Variants in GABRG3 observed in about 807,000 individuals in gnomAD.
GABRG3 encodes the protein gamma-aminobutyric acid receptor subunit gamma-3.
A neutral mutation model predicts 48.8 loss-of-function variants in GABRG3; 25 were observed. The observed-to-expected ratio is 0.51, with a 90% CI of 0.37 to 0.72. GABRG3 has a LOEUF of 0.72. GABRG3 is among the 30% of genes least tolerant of loss of function. GABRG3 has a pLI of 0.00. For synonymous variants in GABRG3, 227 were observed against 217.6 expected (o/e 1.04, Z -0.38); for missense variants, 394 against 577.9 (o/e 0.68, Z 3.26).
rs548661116 is a variant in GABRG3, at chr15:27,008,485, A to G, written c.203-18269A>G. Among the ~76,000 whole-genome samples the G allele has an allele frequency of 1.6e-4, 25 of 152,314 alleles. No homozygotes were observed. The East Asian group carries it at 2.5e-3, about 15-fold the overall frequency. ...TGGGATAGGAATCTTTTGGCTGACA[A>G]TCACTCAGAGATTCAGTCGAGAATT... is the stretch of plus-strand genomic sequence containing the variant. On this transcript the variant is annotated intron_variant, in intron 2 of 9. Transcript: ENST00000615808.
intron 2 of GABRG3, among the ~76,000 whole-genome samples, chr15:26,995,541 C>CTT (rs34201238): frequency 6.2e-4 from 90 of 145,404 alleles, no homozygotes; most frequent in South Asian, 3.0e-3. Flanking sequence ...CGTTTAATAT[C>CTT]TTTTTTTTTT....
Position 27,390,956 on chromosome 15 carries a change from G to A in GABRG3, c.574+62068G>A, listed in dbSNP as rs140884468. ...ATACAAAAATTAGCCAAGTGTGGTG[G>A]CATGTGCCTGTAATCCCAGCTACTA... On this transcript the variant is annotated intron_variant, in intron 5 of 9. Coordinates refer to ENST00000615808, the MANE Select transcript of GABRG3 (RefSeq NM_033223.5). Among the ~76,000 whole-genome samples the A allele has an allele frequency of 4.6e-5, 7 of 152,148 alleles. No homozygotes were observed. In the East Asian group the frequency reaches 1.4e-3, roughly 30 times the overall value.
chr15:27,279,412 C>T (rs894719805), intron 3 of GABRG3, among the ~76,000 whole-genome samples: 9 of 152,102 alleles, frequency 5.9e-5, no homozygotes, highest in African/African-American at 2.2e-4. Flanking sequence ...CTTTTAAGTC[C>T]ATGATCAATT....
chr15:27,351,028 T>C (rs1056016298), intron 5 of GABRG3, among the ~76,000 whole-genome samples: 5 of 149,194 alleles, frequency 3.4e-5, no homozygotes, highest in African/African-American at 5.0e-5. Flanking sequence ...TATGATGTGT[T>C]TGTGTGTATG....
At chr15:27,470,417 G>C (rs1889751990) in intron 5 of GABRG3, among the ~76,000 whole-genome samples, 1 of 151,678 alleles carries the variant, frequency 6.6e-6, no homozygotes, top group Admixed American at 6.6e-5. Flanking sequence ...TATTTTAGTA[G>C]AGATGGGGTT....
intron 5 of GABRG3, among the ~76,000 whole-genome samples, chr15:27,436,057 T>C (rs1454495971): frequency 1.3e-5 from 2 of 152,174 alleles, no homozygotes; most frequent in Non-Finnish European, 2.9e-5. Flanking sequence ...CTGATGGCAA[T>C]TGCTGATGAG....
intron 2 of GABRG3, among the ~76,000 whole-genome samples, chr15:26,979,489 T>C (rs758444352): frequency 1.3e-5 from 2 of 152,196 alleles, no homozygotes; most frequent in Non-Finnish European, 2.9e-5. Context: ...ATTTTGTACA[T>C]GTTCTTTATC....
At chr15:27,312,932 G>T (rs1413670976) in intron 3 of GABRG3, among the ~76,000 whole-genome samples, 2 of 150,926 alleles carry the variant, frequency 1.3e-5, no homozygotes, top group African/African-American at 4.9e-5. Flanking sequence ...TTAAAAAAAA[G>T]TATAAAATAT....
chr15:27,512,234 GTAT>G (rs942383165), intron 6 of GABRG3, among the ~76,000 whole-genome samples: 5 of 152,088 alleles, frequency 3.3e-5, no homozygotes, highest in Non-Finnish European at 5.9e-5. Context: ...ATATTATATT[GTAT>G]TATTATTATT....
chr15:27,000,260 A>G (rs1376605623), intron 2 of GABRG3, among the ~76,000 whole-genome samples: 1 of 152,166 alleles, frequency 6.6e-6, no homozygotes, highest in Admixed American at 6.5e-5. Flanking sequence ...ATATTCCTAT[A>G]GATATTCTTG....
At chr15:27,355,450 A>G (rs895753975) in intron 5 of GABRG3, among the ~76,000 whole-genome samples, 2 of 152,210 alleles carry the variant, frequency 1.3e-5, no homozygotes, top group Non-Finnish European at 1.5e-5. Context: ...ACCCACTAGG[A>G]TGGCTATAAC....
chr15:27,062,081 G>A (rs1054661416), intron 3 of GABRG3, among the ~76,000 whole-genome samples: 12 of 152,170 alleles, frequency 7.9e-5, no homozygotes, highest in Non-Finnish European at 1.5e-4. Context: ...GCAACTGGCG[G>A]CAGCTGTCAT....
At chr15:27,435,174 A>G (rs1301059906) in intron 5 of GABRG3, among the ~76,000 whole-genome samples, 1 of 150,030 alleles carries the variant, frequency 6.7e-6, no homozygotes, top group African/African-American at 2.4e-5. Context: ...GTCCTTTTAT[A>G]CTATTTTATA....
chr15:27,448,652 C>T (rs1472591704), intron 5 of GABRG3, among the ~76,000 whole-genome samples: 1 of 152,064 alleles, frequency 6.6e-6, no homozygotes, highest in Non-Finnish European at 1.5e-5. Context: ...GTCATAGATT[C>T]CACAAGGAAG....
intron 3 of GABRG3, among the ~76,000 whole-genome samples, chr15:27,144,477 A>G (rs1187530049): frequency 2.0e-5 from 3 of 152,222 alleles, no homozygotes; most frequent in Admixed American, 6.5e-5. Context: ...CCCAGTAGAA[A>G]TAGTCTTTTC....
At chr15:27,516,120 AAAAC>A (rs1451239956) in intron 6 of GABRG3, among the ~76,000 whole-genome samples, 2 of 151,478 alleles carry the variant, frequency 1.3e-5, no homozygotes, top group Non-Finnish European at 2.9e-5. Context: ...GAAAAAAAAA[AAAAC>A]ACCCCTACCA....
chr15:27,118,042 G>A (rs1430259774), intron 3 of GABRG3, among the ~76,000 whole-genome samples: 1 of 152,076 alleles, frequency 6.6e-6, no homozygotes, highest in African/African-American at 2.4e-5. Flanking sequence ...TCCCTCTCAC[G>A]ACCTCTTCTC....
At chr15:27,438,670 G>C (rs760338338) in intron 5 of GABRG3, among the ~76,000 whole-genome samples, 28 of 152,180 alleles carry the variant, frequency 1.8e-4, no homozygotes, top group Admixed American at 5.2e-4. Context: ...TTCTGCCTTG[G>C]AGATCTCTTT....
At chr15:27,016,240 CTTTT>C (rs34202673) in intron 2 of GABRG3, among the ~76,000 whole-genome samples, 2 of 140,714 alleles carry the variant, frequency 1.4e-5, no homozygotes, top group Non-Finnish European at 3.1e-5. Flanking sequence ...TTCTTTCTTT[CTTTT>C]TTTTTTTTTT....
Sources: gnomAD v4.1 joint callset for allele counts (sites outside exome capture counted in the v4.1 genomes callset) on GRCh38, gnomAD v4.1.1 for gene constraint, MANE v1.5 for transcripts, NCBI Gene and HGNC (gene_info 2026-07-23, HGNC 2026-07-21) for gene names.